Variants in LYPD6 observed in about 807,000 individuals in gnomAD.
LYPD6 encodes the protein ly6/PLAUR domain-containing protein 6.
In LYPD6, 15 loss-of-function variants were observed where a neutral mutation model predicts 22.7. The observed-to-expected ratio is 0.66, with a 90% CI of 0.44 to 1.02. LYPD6 has a LOEUF of 1.02. Ranked by LOEUF, LYPD6 falls within the 50% of genes least tolerant of loss-of-function variation. The pLI is 0.00. For missense variants in LYPD6, 189 were observed against 208.4 expected, an observed-to-expected ratio of 0.91 and a Z score of 0.57; for synonymous variants, 72 against 77.5, an observed-to-expected ratio of 0.93 and a Z score of 0.37.
intron 1 of LYPD6, among the ~76,000 whole-genome samples, chr2:149,364,543 A>AG (rs1270566593): frequency 4.8e-5 from 7 of 145,204 alleles, no homozygotes; most frequent in African/African-American, 1.6e-4. Flanking sequence ...TACAGAGTAC[A>AG]ATTTTTTTTT....
intron 2 of LYPD6, among the ~76,000 whole-genome samples, chr2:149,448,191 G>T (rs1392950802): frequency 1.3e-5 from 2 of 152,182 alleles, no homozygotes; most frequent in Non-Finnish European, 2.9e-5. Context: ...TACTTGGGAG[G>T]CTGAGGCAGG....
intron 1 of LYPD6, among the ~76,000 whole-genome samples, chr2:149,411,323 A>C (rs1030874720): frequency 4.6e-5 from 7 of 151,954 alleles, no homozygotes; most frequent in Non-Finnish European, 8.8e-5. Context: ...TTTTATAAAC[A>C]GGTATGAAGT....
chr2:149,474,794 G>A (rs1681423230), downstream of LYPD6, among the ~76,000 whole-genome samples: 1 of 152,096 alleles, frequency 6.6e-6, no homozygotes, highest in Admixed American at 6.5e-5. Flanking sequence ...TTGAGACAGA[G>A]TCTCACTCTT....
intron 1 of LYPD6, among the ~76,000 whole-genome samples, chr2:149,379,776 C>T (rs1682017888): frequency 6.6e-6 from 1 of 152,202 alleles, no homozygotes; most frequent in Non-Finnish European, 1.5e-5. Context: ...AAATGTTTAT[C>T]AAGCATCACC....
intron 1 of LYPD6, among the ~76,000 whole-genome samples, chr2:149,429,540 C>T (rs2105141743): frequency 6.6e-6 from 1 of 152,378 alleles, no homozygotes; most frequent in East Asian, 1.9e-4. Context: ...CTACTATCTT[C>T]ATGAGCTGAA....
chr2:149,362,903 C>T (rs1261275552), intron 1 of LYPD6, among the ~76,000 whole-genome samples: 2 of 152,122 alleles, frequency 1.3e-5, no homozygotes, highest in Non-Finnish European at 2.9e-5. Flanking sequence ...AAAACAGTGG[C>T]GCTTCATCTT....
intron 1 of LYPD6, among the ~76,000 whole-genome samples, chr2:149,409,788 G>A (rs1018042749): frequency 6.6e-6 from 1 of 152,084 alleles, no homozygotes; most frequent in African/African-American, 2.4e-5. Flanking sequence ...CCTAAAGGCT[G>A]GTCTCACTCC....
intron 2 of LYPD6, among the ~76,000 whole-genome samples, chr2:149,443,702 G>A (rs1411260928): frequency 3.3e-5 from 5 of 151,890 alleles, no homozygotes; most frequent in African/African-American, 9.7e-5. Context: ...TGGCTTTGGC[G>A]TTTGAGAACC....
At chr2:149,366,658 A>G (rs1681673772) in intron 1 of LYPD6, among the ~76,000 whole-genome samples, 1 of 152,220 alleles carries the variant, frequency 6.6e-6, no homozygotes, top group Admixed American at 6.5e-5. Context: ...AATTTTTAAG[A>G]TTAACTTGCT....
At chr2:149,474,623 T>C (rs954014647), downstream of LYPD6, among the ~76,000 whole-genome samples, 1 of 152,206 alleles carries the variant, frequency 6.6e-6, no homozygotes. Context: ...CTCCTTAAAG[T>C]GTGGTACTTA....
chr2:149,352,312 G>T (rs535703227), intron 1 of LYPD6, among the ~76,000 whole-genome samples: 8 of 152,228 alleles, frequency 5.3e-5, no homozygotes, highest in African/African-American at 1.9e-4. Flanking sequence ...AAAACTGGTG[G>T]TATTTCTTTT....
At chr2:149,384,059 C>A (rs996215457) in intron 1 of LYPD6, among the ~76,000 whole-genome samples, 2 of 152,110 alleles carry the variant, frequency 1.3e-5, no homozygotes, top group Non-Finnish European at 2.9e-5. Context: ...TCTTTTATTC[C>A]TGCTTATATT....
chr2:149,333,612 G>A (rs1354921118), intron 1 of LYPD6, among the ~76,000 whole-genome samples: 1 of 152,178 alleles, frequency 6.6e-6, no homozygotes, highest in Non-Finnish European at 1.5e-5. Flanking sequence ...CAAATATTCA[G>A]CAATTGCCTA....
chr2:149,478,615 G>A (rs1681479551), downstream of LYPD6, among the ~76,000 whole-genome samples: 1 of 151,788 alleles, frequency 6.6e-6, no homozygotes, highest in Non-Finnish European at 1.5e-5. Context: ...GTAGAGATGG[G>A]GTCTTGCTAT....
At chr2:149,360,604 T>A (rs1221816179) in intron 1 of LYPD6, among the ~76,000 whole-genome samples, 1 of 150,948 alleles carries the variant, frequency 6.6e-6, no homozygotes, top group Non-Finnish European at 1.5e-5. Context: ...ATTTAGTCTT[T>A]ACTTGTTTTT....
chr2:149,475,642 G>A (rs1405244837), downstream of LYPD6, among the ~76,000 whole-genome samples: 8 of 152,134 alleles, frequency 5.3e-5, no homozygotes, highest in Non-Finnish European at 1.2e-4. Flanking sequence ...TGCTGGAATT[G>A]GATTGGGGGA....
intron 1 of LYPD6, among the ~76,000 whole-genome samples, chr2:149,391,638 G>T (rs1682312090): frequency 6.6e-6 from 1 of 152,060 alleles, no homozygotes; most frequent in South Asian, 2.1e-4. Flanking sequence ...GCAAATATTT[G>T]ATCCCTGTTT....
At chr2:149,456,823 C>A (rs557762875) in intron 3 of LYPD6, among the ~76,000 whole-genome samples, 4 of 152,284 alleles carry the variant, frequency 2.6e-5, no homozygotes, top group Admixed American at 6.5e-5. Context: ...AATATAGTTA[C>A]CCTCCTAATT....
At chr2:149,353,285 A>G (rs1380434901) in intron 1 of LYPD6, among the ~76,000 whole-genome samples, 1 of 152,324 alleles carries the variant, frequency 6.6e-6, no homozygotes, top group East Asian at 1.9e-4. Context: ...TTATTTATAT[A>G]TTCTGCTTAA....
Sources: gnomAD v4.1 joint callset for allele counts (sites outside exome capture counted in the v4.1 genomes callset) on GRCh38, gnomAD v4.1.1 for gene constraint, MANE v1.5 for transcripts, NCBI Gene and HGNC (gene_info 2026-07-23, HGNC 2026-07-21) for gene names.